The following LINGO2 variants were observed in gnomAD, a reference collection of about 807,000 sequenced individuals.
LINGO2 encodes leucine-rich repeat and immunoglobulin-like domain-containing nogo receptor-interacting protein 2.
Under a neutral mutation model 30.6 loss-of-function variants are expected in LINGO2, and 14 were observed. The ratio of observed to expected loss-of-function variants is 0.46; its 90% CI spans 0.30 to 0.72. The LOEUF (loss-of-function observed/expected upper bound fraction) is 0.72, where lower values mean the gene tolerates loss of function less well. LINGO2 is among the 30% of genes least tolerant of loss of function. LINGO2 has a pLI of 0.07. For missense variants in LINGO2, 729 were observed against 751.7 expected (o/e 0.97, Z 0.35); for synonymous variants, 317 against 288.5 (o/e 1.10, Z -1.00).
At chr9:28,053,944 G>A (rs551956352) in intron 4 of LINGO2, among the ~76,000 whole-genome samples, 183 of 152,084 alleles carry the variant, frequency 1.2e-3, no homozygotes, top group Middle Eastern at 3.4e-3. Flanking sequence ...CAGATATGGG[G>A]TAAAAAGGAA....
intron 1 of LINGO2, among the ~76,000 whole-genome samples, chr9:28,633,955 C>A (rs1341268435): frequency 6.6e-6 from 1 of 152,156 alleles, no homozygotes; most frequent in Non-Finnish European, 1.5e-5. Flanking sequence ...ATTACTCTGT[C>A]ATAGCTTCCT....
At chr9:28,911,189 G>GT in the LINGO2 span, among the ~76,000 whole-genome samples, 1 of 151,794 alleles carries the variant, frequency 6.6e-6, no homozygotes, top group African/African-American at 2.4e-5. Context: ...CATATAAGAG[G>GT]TAACAAAATG....
At chr9:28,645,007 G>T (rs1251638629) in intron 1 of LINGO2, among the ~76,000 whole-genome samples, 1 of 151,998 alleles carries the variant, frequency 6.6e-6, no homozygotes, top group Non-Finnish European at 1.5e-5. Flanking sequence ...ATTTGAAGAT[G>T]ATATGCATTT....
intron 1 of LINGO2, among the ~76,000 whole-genome samples, chr9:28,502,275 T>A (rs1253130942): frequency 6.6e-6 from 1 of 152,056 alleles, no homozygotes; most frequent in Non-Finnish European, 1.5e-5. Flanking sequence ...TCTGCATATG[T>A]GGTCTCATGG....
At chr9:28,289,946 G>A (rs1823657035) in intron 4 of LINGO2, among the ~76,000 whole-genome samples, 1 of 152,130 alleles carries the variant, frequency 6.6e-6, no homozygotes, top group South Asian at 2.1e-4. Context: ...AATTCCTCCT[G>A]GCTCACTGAT....
intron 4 of LINGO2, among the ~76,000 whole-genome samples, chr9:28,103,255 C>G (rs1340163204): frequency 6.6e-6 from 1 of 152,020 alleles, no homozygotes; most frequent in African/African-American, 2.4e-5. Context: ...AAAAATGCAT[C>G]TGTATTTTTA....
intron 4 of LINGO2, among the ~76,000 whole-genome samples, chr9:28,174,917 T>TGAGAGAGA (rs1262921989): frequency 1.4e-5 from 2 of 139,778 alleles, no homozygotes; most frequent in South Asian, 4.5e-4. Context: ...TGTGTGTGTG[T>TGAGAGAGA]GTGTGAGAGA....
At chr9:28,785,793 A>G in the LINGO2 span, among the ~76,000 whole-genome samples, 1 of 152,190 alleles carries the variant, frequency 6.6e-6, no homozygotes, top group Non-Finnish European at 1.5e-5. Context: ...AAGCTGATGA[A>G]GGCTTATCAT....
intron 1 of LINGO2, among the ~76,000 whole-genome samples, chr9:28,600,869 G>T (rs1825433963): frequency 6.6e-6 from 1 of 152,024 alleles, no homozygotes; most frequent in Admixed American, 6.6e-5. Context: ...TAAAAAGAAA[G>T]AATATCTTGA....
At chr9:29,010,708 T>G in the LINGO2 span, among the ~76,000 whole-genome samples, 1 of 152,052 alleles carries the variant, frequency 6.6e-6, no homozygotes, top group Admixed American at 6.6e-5. Context: ...TCTTGCAAAT[T>G]AAGTTATAGG....
At chr9:28,200,139 G>A (rs1442299793) in intron 4 of LINGO2, among the ~76,000 whole-genome samples, 1 of 152,116 alleles carries the variant, frequency 6.6e-6, no homozygotes, top group Non-Finnish European at 1.5e-5. Flanking sequence ...ACAAATAACA[G>A]AGTATTGTGT....
intron 1 of LINGO2, among the ~76,000 whole-genome samples, chr9:28,575,755 A>G (rs1433474755): frequency 1.3e-5 from 2 of 152,202 alleles, no homozygotes; most frequent in Non-Finnish European, 2.9e-5. Flanking sequence ...TATTTTGGAT[A>G]GATAAGATAG....
intron 4 of LINGO2, among the ~76,000 whole-genome samples, chr9:28,271,392 A>G (rs1564086892): frequency 6.6e-6 from 1 of 152,162 alleles, no homozygotes; most frequent in Non-Finnish European, 1.5e-5. Flanking sequence ...CTACTACACA[A>G]TCTAAAGGAT....
the LINGO2 span, among the ~76,000 whole-genome samples, chr9:28,845,686 T>C: frequency 6.6e-6 from 1 of 151,880 alleles, no homozygotes; most frequent in East Asian, 1.9e-4. Context: ...TATACAAGAG[T>C]ATTCAATATT....
At chr9:29,056,223 G>A in the LINGO2 span, among the ~76,000 whole-genome samples, 1 of 152,056 alleles carries the variant, frequency 6.6e-6, no homozygotes, top group Non-Finnish European at 1.5e-5. Context: ...CACAGGCAGT[G>A]TAAAAGTGTT....
At chr9:28,650,224 A>T (rs1023431870) in intron 1 of LINGO2, among the ~76,000 whole-genome samples, 1 of 152,164 alleles carries the variant, frequency 6.6e-6, no homozygotes, top group African/African-American at 2.4e-5. Flanking sequence ...AAATTGTTCC[A>T]AATTGACATG....
At chr9:28,554,242 T>C (rs1313855460) in intron 1 of LINGO2, among the ~76,000 whole-genome samples, 3 of 151,358 alleles carry the variant, frequency 2.0e-5, no homozygotes, top group Non-Finnish European at 4.4e-5. Context: ...GTGTGCTGTA[T>C]TCAGGAAACC....
intron 4 of LINGO2, among the ~76,000 whole-genome samples, chr9:28,216,744 C>A (rs954096568): frequency 6.6e-6 from 1 of 151,784 alleles, no homozygotes; most frequent in African/African-American, 2.4e-5. Context: ...TTTCTTAGAA[C>A]TAAAATGGCT....
chr9:28,818,791 G>A, the LINGO2 span, among the ~76,000 whole-genome samples: 1 of 152,008 alleles, frequency 6.6e-6, no homozygotes, highest in Non-Finnish European at 1.5e-5. Flanking sequence ...TTTCTAATTT[G>A]CACTTTGAAT....
Sources: gnomAD v4.1 joint callset for allele counts (sites outside exome capture counted in the v4.1 genomes callset) on GRCh38, gnomAD v4.1.1 for gene constraint, MANE v1.5 for transcripts, NCBI Gene and HGNC (gene_info 2026-07-23, HGNC 2026-07-21) for gene names.